The following PM20D1 variants were observed in gnomAD, a reference collection of about 807,000 sequenced individuals.
The protein encoded by PM20D1 is peptidase M20 domain containing 1.
In PM20D1, 53 loss-of-function variants were observed where a neutral mutation model predicts 53.8. The ratio of observed to expected loss-of-function variants is 0.98; its 90% CI spans 0.79 to 1.24. The LOEUF is 1.24. PM20D1 is among the 50% of genes most tolerant of loss of function. PM20D1 has a pLI of 0.00. For synonymous variants in PM20D1, 239 were observed against 241.3 expected (o/e 0.99, Z 0.09); for missense variants, 564 against 616.8 (o/e 0.91, Z 0.91).
intron 8 of PM20D1, 39 bp downstream of exon 8, chr1:205,842,115 G>C (rs551269620): frequency 6.3e-7 from 1 of 1,577,184 alleles, no homozygotes; most frequent in African/African-American, 1.3e-5. Context: ...GGGTAGGTTT[G>C]AGGTGAGGGA....
chr1:205,835,437 G>T (rs1337936111), intron 10 of PM20D1, among the ~76,000 whole-genome samples: 2 of 152,084 alleles, frequency 1.3e-5, no homozygotes, highest in Non-Finnish European at 2.9e-5. Flanking sequence ...AATGTGCTGA[G>T]GTCAGGAGAT....
In PM20D1 at chr1:205,832,690, G is replaced by A; in HGVS notation, c.1193C>T (p.Pro398Leu). The change falls in exon 11 of 13, where the codon CCC (proline) becomes CTC (leucine). Residue 398 changes from proline to leucine, a missense_variant. Physicochemically the swap from Pro to Leu is moderately conservative, Grantham distance 98. Coordinates refer to ENST00000367136, the MANE Select transcript of PM20D1 (RefSeq NM_152491.5). ...FHVLSAFDPL[P>L]VSPSDDKALG... ...GGCCTTGTCATCAGAAGGGCTGACG[G>A]GGAGGGGGTCAAAGGCACTCAACAC... 3 of 1,614,098 alleles carry A rather than the reference G, an allele frequency of 1.9e-6. No homozygotes were observed. Among genetic ancestry groups the A allele is most frequent in the Non-Finnish European group, 2.5e-6 (3 of 1,180,016 alleles).
rs1220324508 is a variant in PM20D1 at position 205,845,556 on chromosome 1, G to A, written c.258C>T (p.Val86=). 2 of 1,611,460 alleles carry A rather than the reference G, an allele frequency of 1.2e-6. No homozygotes were observed. Among genetic ancestry groups the A allele is most frequent in the Admixed American group, 1.7e-5 (1 of 59,690 alleles). The change falls in exon 3 of 13, where the codon GTC becomes GTT. Residue 86 remains valine, a splice_region_variant and synonymous_variant. Coordinates refer to ENST00000367136, the MANE Select transcript of PM20D1 (RefSeq NM_152491.5). ...LAEFGKYIHK[V]FPTVVSTSFI... is the part of the protein sequence containing the mutation. Reference sequence around the variant, plus strand: ...AGCTGGTGCTGACCACTGTAGGAAAGACTAGAAGCAAAAAGGGCAGGAAGA... The same window carrying A: ...AGCTGGTGCTGACCACTGTAGGAAAAACTAGAAGCAAAAAGGGCAGGAAGA...
At chr1:205,837,998 C>G (rs1656719148) in intron 10 of PM20D1, among the ~76,000 whole-genome samples, 1 of 152,110 alleles carries the variant, frequency 6.6e-6, no homozygotes, top group African/African-American at 2.4e-5. Flanking sequence ...CTACCCCCCA[C>G]TCCCCCAACC....
chr1:205,838,526 T>C (rs1656733743), intron 10 of PM20D1, among the ~76,000 whole-genome samples: 1 of 152,290 alleles, frequency 6.6e-6, no homozygotes, highest in African/African-American at 2.4e-5. Flanking sequence ...TAAACTGATG[T>C]TTGTAGCAGA....
chr1:205,828,829 C>T, intron 12 of PM20D1, 86 bp from the exon 13 acceptor site: 1 of 1,515,666 alleles, frequency 6.6e-7, no homozygotes, highest in Non-Finnish European at 8.9e-7. Context: ...TCCCTTACTT[C>T]CCTCACCAAC....
chr1:205,843,592 C>T (rs1656867774), intron 6 of PM20D1, 75 bp downstream of exon 6: 1 of 1,546,662 alleles, frequency 6.5e-7, no homozygotes, highest in Non-Finnish European at 8.7e-7. Flanking sequence ...GCTTAGCCTC[C>T]TCAAATTTAA....
At chr1:205,833,564 A>T (rs1256035601) in intron 10 of PM20D1, among the ~76,000 whole-genome samples, 1 of 152,238 alleles carries the variant, frequency 6.6e-6, no homozygotes, top group Non-Finnish European at 1.5e-5. Context: ...CTTGGGAAAG[A>T]ACCTAAGGAA....
Position 205,842,132 on chromosome 1 carries a change from AAAAGG to A in PM20D1, c.965+17_965+21del. ...GTAGGTTTGAGGTGAGGGATGTGAA[AAAAGG>A]AAAGATAATACTTTACCTGCTTATA... On this transcript the variant is annotated intron_variant, in intron 8 of 12. Transcript: ENST00000367136. 1.2e-6 allele frequency: 2 copies of A among 1,601,810 alleles called. No individual in the cohort carries two copies. The highest frequency in any genetic ancestry group is 2.2e-5 in the South Asian group (2 of 90,816).
At chr1:205,833,281 T>G (rs1244823972) in intron 10 of PM20D1, among the ~76,000 whole-genome samples, 1 of 152,228 alleles carries the variant, frequency 6.6e-6, no homozygotes, top group Non-Finnish European at 1.5e-5. Flanking sequence ...ATCTTTCCCC[T>G]TGGGTGGTGA....
At position 205,850,064 on chromosome 1, in the gene PM20D1, C is replaced by T. The variant is rs35846832; in HGVS notation, c.9G>A (p.Gln3=). The change falls in exon 1 of 13, where the codon CAG becomes CAA. Residue 3 remains glutamine (Q), a synonymous_variant. Transcript: ENST00000367136. The part of the protein sequence containing the change: MA[Q]RCVCVLALVA... The stretch of plus-strand genomic sequence containing the variant: ...CCAGGGCCAGCACGCAAACGCACCG[C>T]TGAGCCATGCTTCTCTCGAGCTCCT... The T allele has an allele frequency of 2.5e-5, 41 of 1,613,192 alleles. No individual in the cohort carries two copies. The Admixed American group carries it at 4.0e-4, about 16-fold the overall frequency.
intron 9 of PM20D1, among the ~76,000 whole-genome samples, chr1:205,841,556 C>T (rs1028113435): frequency 1.3e-5 from 2 of 152,136 alleles, no homozygotes; most frequent in Non-Finnish European, 2.9e-5. Context: ...CTTATATACC[C>T]GATTACTAGA....
rs543201611 is a variant in PM20D1, at chr1:205,844,223, G to A, written c.577-6C>T. ...TGAGCCCCTGTCCCTGATGACTGCA[G>A]ACATGGAACATAGAGCTATAGTCCT... On this transcript the variant is annotated splice_region_variant and splice_polypyrimidine_tract_variant and intron_variant, in intron 4 of 12. Transcript: ENST00000367136. 59 of 1,605,272 alleles carry A rather than the reference G, an allele frequency of 3.7e-5. No individual in the cohort carries two copies. In the South Asian group the frequency reaches 6.3e-4, roughly 17 times the overall value.
intron 10 of PM20D1, among the ~76,000 whole-genome samples, chr1:205,833,969 TC>T (rs1287029985): frequency 6.6e-6 from 1 of 151,516 alleles, no homozygotes; most frequent in African/African-American, 2.4e-5. Flanking sequence ...TGCCTCAGCC[TC>T]CCGAGTAGCT....
Position 205,848,112 on chromosome 1 carries a change from G to A in PM20D1, c.170-141C>T, listed in dbSNP as rs1418044334. 17 of 779,786 alleles carry A rather than the reference G, an allele frequency of 2.2e-5. No individual in the cohort carries two copies. In the African/African-American group the frequency reaches 2.7e-4, roughly 12 times the overall value. 48.3% of individuals were successfully genotyped at this position (779,786 alleles called of 1,614,324 possible). A position where few individuals can be genotyped will look rare whatever the true frequency, so the allele number is the denominator to read the frequency against. On this transcript the variant is annotated intron_variant, in intron 1 of 12. Transcript: ENST00000367136. The stretch of plus-strand genomic sequence containing the variant: ...ACACTAATGTGAGGTAGGCGCTATT[G>A]TTTCCTCTAATTCGAAGATGAGGGA...
Position 205,843,537 on chromosome 1 carries a change from C to T in PM20D1, c.827+130G>A, listed in dbSNP as rs374395950. 4 of 1,347,174 alleles carry T rather than the reference C, an allele frequency of 3.0e-6. No individual in the cohort carries two copies. In the African/African-American group the frequency reaches 4.4e-5, roughly 15 times the overall value. The allele number at this position is 1,347,174 out of a possible 1,614,324, so 83.5% of individuals were successfully genotyped here. A position where few individuals can be genotyped will look rare whatever the true frequency, so the allele number is the denominator to read the frequency against. Reference sequence around the variant, plus strand: ...TCCCCTTCTGTTCTTCCTCTAGTGTCAATTTTTTATAGCATAGTTTCCCAG... The same window carrying T: ...TCCCCTTCTGTTCTTCCTCTAGTGTTAATTTTTTATAGCATAGTTTCCCAG... On this transcript the variant is annotated intron_variant, in intron 6 of 12. Coordinates refer to ENST00000367136, the MANE Select transcript of PM20D1 (RefSeq NM_152491.5).
intron 10 of PM20D1, among the ~76,000 whole-genome samples, chr1:205,833,415 C>A (rs1356502286): frequency 6.6e-6 from 1 of 152,218 alleles, no homozygotes; most frequent in African/African-American, 2.4e-5. Context: ...AAGGGTCACA[C>A]ACTTTTTTCC....
At chr1:205,832,351 C>A (rs1340803779) in intron 11 of PM20D1, among the ~76,000 whole-genome samples, 1 of 152,142 alleles carries the variant, frequency 6.6e-6, no homozygotes, top group African/African-American at 2.4e-5. Flanking sequence ...CCCCTCTATG[C>A]CAGAGTGGCT....
chr1:205,837,568 G>T (rs1292262351), intron 10 of PM20D1, among the ~76,000 whole-genome samples: 1 of 152,248 alleles, frequency 6.6e-6, no homozygotes, highest in Non-Finnish European at 1.5e-5. Flanking sequence ...TGTGCACAGG[G>T]AGTGCAGCAG....
Sources: allele counts gnomAD v4.1 joint callset (sites outside exome capture counted in the v4.1 genomes callset), GRCh38; gene constraint gnomAD v4.1.1; transcripts MANE v1.5; gene names NCBI Gene and HGNC (gene_info 2026-07-23, HGNC 2026-07-21).